Variants in NBEA observed in about 807,000 individuals in gnomAD.
NBEA encodes lysosomal-trafficking regulator 2.
In NBEA, 44 loss-of-function variants were observed where a neutral mutation model predicts 343.4. That is an observed-to-expected ratio of 0.13 (90% CI 0.10 to 0.16). NBEA has a LOEUF of 0.16. NBEA is among the 10% of genes least tolerant of loss of function. NBEA has a pLI of 1.00. For synonymous variants in NBEA, 1,175 were observed against 1,238.7 expected (o/e 0.95, Z 1.08); for missense variants, 2,555 against 3,631.3 (o/e 0.70, Z 7.62).
intron 35 of NBEA, among the ~76,000 whole-genome samples, chr13:35,292,987 A>G (rs2035893479): frequency 1.3e-5 from 2 of 151,970 alleles, no homozygotes; most frequent in African/African-American, 4.8e-5. Flanking sequence ...GCTACAACAC[A>G]TTAGATGGCT....
At chr13:35,652,680 C>G (rs1593478339) in intron 53 of NBEA, among the ~76,000 whole-genome samples, 1 of 126,422 alleles carries the variant, frequency 7.9e-6, no homozygotes, top group Non-Finnish European at 1.6e-5. Flanking sequence ...AACATCTTTT[C>G]TGGCAGTCTT....
chr13:35,296,713 A>T (rs929072268), intron 35 of NBEA, among the ~76,000 whole-genome samples: 1 of 151,990 alleles, frequency 6.6e-6, no homozygotes, highest in African/African-American at 2.4e-5. Flanking sequence ...TTTCAGACAA[A>T]TTACAACAAC....
intron 17 of NBEA, among the ~76,000 whole-genome samples, chr13:35,137,004 A>C (rs1386293424): frequency 6.6e-6 from 1 of 152,276 alleles, no homozygotes; most frequent in Non-Finnish European, 1.5e-5. Flanking sequence ...CACAAAAACT[A>C]GATGACATAA....
chr13:35,412,125 C>A (rs1023656856), intron 38 of NBEA, among the ~76,000 whole-genome samples: 4 of 152,106 alleles, frequency 2.6e-5, no homozygotes, highest in African/African-American at 7.2e-5. Context: ...ATAATGTTTT[C>A]ATAATACACA....
chr13:35,321,522 G>A (rs1363173826), intron 36 of NBEA, among the ~76,000 whole-genome samples: 1 of 152,168 alleles, frequency 6.6e-6, no homozygotes, highest in South Asian at 2.1e-4. Context: ...TGTATGAGGT[G>A]TCTCTTGACC....
intron 10 of NBEA, among the ~76,000 whole-genome samples, chr13:35,092,216 A>T (rs1322478319): frequency 6.6e-6 from 1 of 152,004 alleles, no homozygotes; most frequent in East Asian, 1.9e-4. Flanking sequence ...CTCACAATTT[A>T]TATGAAACTT....
intron 36 of NBEA, among the ~76,000 whole-genome samples, chr13:35,324,814 C>G (rs2038426890): frequency 6.6e-6 from 1 of 152,000 alleles, no homozygotes; most frequent in South Asian, 2.1e-4. Context: ...ATAATGATTG[C>G]AGAAGGTTTC....
intron 39 of NBEA, among the ~76,000 whole-genome samples, chr13:35,451,759 G>T (rs2152945418): frequency 6.6e-6 from 1 of 152,298 alleles, no homozygotes; most frequent in East Asian, 1.9e-4. Context: ...AACATGCACT[G>T]ATCTTAGAGC....
intron 49 of NBEA, among the ~76,000 whole-genome samples, chr13:35,643,783 G>T (rs1045939236): frequency 1.4e-4 from 22 of 152,184 alleles, no homozygotes; most frequent in African/African-American, 5.3e-4. Flanking sequence ...CCTACACAGG[G>T]AGTAGCTCTC....
chr13:35,067,406 C>G (rs1241454416), intron 8 of NBEA, among the ~76,000 whole-genome samples: 2 of 151,966 alleles, frequency 1.3e-5, no homozygotes, highest in Non-Finnish European at 2.9e-5. Context: ...ATATTCATAC[C>G]TTCTTTTCTT....
intron 36 of NBEA, among the ~76,000 whole-genome samples, chr13:35,335,890 T>C (rs2039226805): frequency 6.6e-6 from 1 of 152,050 alleles, no homozygotes. Flanking sequence ...ATGCATCCTC[T>C]GGACAGACTT....
chr13:35,441,472 C>G (rs1271713176), intron 39 of NBEA, among the ~76,000 whole-genome samples: 1 of 152,082 alleles, frequency 6.6e-6, no homozygotes, highest in African/African-American at 2.4e-5. Context: ...CTTGCATGAC[C>G]TATCAAAGCC....
In NBEA at chr13:35,106,889, T is replaced by G. The variant is rs185964815; in HGVS notation, c.1681-2401T>G. Among the ~76,000 whole-genome samples the G allele has an allele frequency of 6.3e-3, 955 of 151,990 alleles. 8 individuals carry two copies. The highest frequency in any genetic ancestry group is 0.014 in the Middle Eastern group (4 of 294). On this transcript the variant is annotated intron_variant, in intron 11 of 58. Transcript: ENST00000379939. ...ATTCATCAAGTGGATATGTTTATAA[T>G]GGTCAGCCTGATTTTATAATATGGG...
intron 34 of NBEA, among the ~76,000 whole-genome samples, chr13:35,248,885 C>T (rs2152785529): frequency 6.6e-6 from 1 of 152,276 alleles, no homozygotes; most frequent in East Asian, 1.9e-4. Context: ...CGTGGTAGCT[C>T]ATGCCTCTAA....
chr13:35,264,614 G>A (rs2033504339), intron 34 of NBEA, among the ~76,000 whole-genome samples: 1 of 151,308 alleles, frequency 6.6e-6, no homozygotes, highest in African/African-American at 2.4e-5. Context: ...AATAAATGGT[G>A]ATACATCACA....
At chr13:35,228,471 T>C (rs1328320747) in intron 33 of NBEA, among the ~76,000 whole-genome samples, 2 of 152,022 alleles carry the variant, frequency 1.3e-5, no homozygotes, top group African/African-American at 4.8e-5. Flanking sequence ...TTTAGTGTAT[T>C]CATCACCTGA....
In NBEA at chr13:35,035,090, A is replaced by C. The variant is rs188382550; in HGVS notation, c.295-5843A>C. Among the ~76,000 whole-genome samples the C allele has an allele frequency of 3.8e-3, 574 of 151,586 alleles. 3 individuals carry two copies. The highest frequency in any genetic ancestry group is 0.013 in the African/African-American group (554 of 41,402). ...GGATTTGGTGTGCTCTTGATCATTT[A>C]GTTCTTTAAGGTGCAGCATTTGATT... On this transcript the variant is annotated intron_variant, in intron 1 of 58. Coordinates refer to ENST00000379939, the MANE Select transcript of NBEA (RefSeq NM_001385012.1).
At chr13:35,245,953 C>A (rs1358401023) in intron 34 of NBEA, among the ~76,000 whole-genome samples, 1 of 152,100 alleles carries the variant, frequency 6.6e-6, no homozygotes, top group Admixed American at 6.5e-5. Flanking sequence ...TAACATAATT[C>A]CAAACTTCTT....
intron 1 of NBEA, among the ~76,000 whole-genome samples, chr13:34,980,551 A>G (rs1238204264): frequency 6.6e-6 from 1 of 151,994 alleles, no homozygotes; most frequent in African/African-American, 2.4e-5. Flanking sequence ...ATCCTAATGC[A>G]ACATTCTGAA....
Sources: allele counts gnomAD v4.1 joint callset (sites outside exome capture counted in the v4.1 genomes callset), GRCh38; gene constraint gnomAD v4.1.1; transcripts MANE v1.5; gene names NCBI Gene and HGNC (gene_info 2026-07-23, HGNC 2026-07-21).